Variants in REC114 observed in about 807,000 individuals in gnomAD.
REC114 encodes meiotic recombination protein REC114.
A neutral mutation model predicts 31.3 loss-of-function variants in REC114; 27 were observed. The ratio of observed to expected loss-of-function variants is 0.86; its 90% CI spans 0.64 to 1.19. REC114 has a LOEUF of 1.19. Ranked by LOEUF, REC114 falls within the 50% of genes most tolerant of loss-of-function variation. The pLI is 0.00. For missense variants in REC114, 344 were observed against 326.9 expected, an observed-to-expected ratio of 1.05 and a Z score of -0.40; for synonymous variants, 134 against 127.7, an observed-to-expected ratio of 1.05 and a Z score of -0.33.
chr15:73,481,565 C>G (rs1205320245), intron 2 of REC114, among the ~76,000 whole-genome samples: 1 of 150,670 alleles, frequency 6.6e-6, no homozygotes, highest in African/African-American at 2.4e-5. Context: ...TGAACAGATT[C>G]TCCCTTGGCC....
At chr15:73,557,917 T>C (rs976030171) in intron 5 of REC114, among the ~76,000 whole-genome samples, 2 of 152,246 alleles carry the variant, frequency 1.3e-5, no homozygotes, top group African/African-American at 2.4e-5. Flanking sequence ...TTAGCTATAA[T>C]TTCATTTCAA....
chr15:73,454,901 A>T (rs1239657260), intron 1 of REC114, among the ~76,000 whole-genome samples: 1 of 152,116 alleles, frequency 6.6e-6, no homozygotes, highest in Non-Finnish European at 1.5e-5. Flanking sequence ...TGTTATTACA[A>T]TTTTTTTACT....
At chr15:73,499,229 A>T (rs1486750896) in intron 2 of REC114, among the ~76,000 whole-genome samples, 1 of 151,996 alleles carries the variant, frequency 6.6e-6, no homozygotes, top group African/African-American at 2.4e-5. Context: ...TTGCCAGCAG[A>T]AAGTGCAATT....
chr15:73,557,974 A>C (rs1894495403), intron 5 of REC114, among the ~76,000 whole-genome samples: 1 of 152,226 alleles, frequency 6.6e-6, no homozygotes, highest in Non-Finnish European at 1.5e-5. Context: ...GAAATTGGAA[A>C]CAACATAAAT....
intron 3 of REC114, among the ~76,000 whole-genome samples, chr15:73,543,320 T>C (rs766649138): frequency 9.2e-5 from 14 of 152,136 alleles, no homozygotes; most frequent in Non-Finnish European, 1.9e-4. Flanking sequence ...TGCCTGTTAT[T>C]GTCAATGGTT....
chr15:73,553,034 C>T (rs1477574956), intron 4 of REC114, among the ~76,000 whole-genome samples: 1 of 152,026 alleles, frequency 6.6e-6, no homozygotes, highest in Non-Finnish European at 1.5e-5. Flanking sequence ...AAGCTGGTCT[C>T]GAACTCCTGA....
chr15:73,555,502 C>A (rs1193254518), intron 4 of REC114, among the ~76,000 whole-genome samples: 1 of 152,148 alleles, frequency 6.6e-6, no homozygotes, highest in Non-Finnish European at 1.5e-5. Flanking sequence ...ATAGCATGGA[C>A]CTTAGAGCAT....
At chr15:73,476,463 A>G (rs910100298) in intron 2 of REC114, among the ~76,000 whole-genome samples, 2 of 152,186 alleles carry the variant, frequency 1.3e-5, no homozygotes, top group African/African-American at 4.8e-5. Context: ...CTTTTTTAAA[A>G]TAATTTTTGT....
rs1893003715 is a variant in REC114 at position 73,462,604 on chromosome 15, G to A, written c.160-11228G>A. On this transcript the variant is annotated intron_variant, in intron 1 of 5. Coordinates refer to ENST00000331090, the MANE Select transcript of REC114 (RefSeq NM_001042367.2). Reference sequence around the variant, plus strand: ...TCTAGCTTTAAGAATTACCAACTCGGGCCAGGTGCGGTGGCTCACGCCTGT... The same window carrying A: ...TCTAGCTTTAAGAATTACCAACTCGAGCCAGGTGCGGTGGCTCACGCCTGT... 2.0e-5 allele frequency among the ~76,000 whole-genome samples: 3 copies of A among 152,036 alleles called. No homozygotes were observed. In the South Asian group the frequency reaches 6.2e-4, roughly 32 times the overall value.
At chr15:73,493,639 T>G (rs1245603446) in intron 2 of REC114, among the ~76,000 whole-genome samples, 3 of 152,220 alleles carry the variant, frequency 2.0e-5, no homozygotes, top group Non-Finnish European at 4.4e-5. Flanking sequence ...AAATATTACA[T>G]AAGAGACCTG....
intron 3 of REC114, 22 bp from the exon 4 acceptor site, chr15:73,550,916 T>G (rs1224543044): frequency 6.2e-7 from 1 of 1,611,030 alleles, no homozygotes; most frequent in African/African-American, 1.3e-5. Flanking sequence ...TCTCTCATGA[T>G]AACTTTTGAT....
intron 2 of REC114, among the ~76,000 whole-genome samples, chr15:73,517,343 G>A (rs1330848483): frequency 6.6e-6 from 1 of 152,114 alleles, no homozygotes; most frequent in African/African-American, 2.4e-5. Context: ...TTTTTAAAAG[G>A]TATCTCTCAC....
intron 1 of REC114, among the ~76,000 whole-genome samples, chr15:73,455,114 AT>A (rs1009229954): frequency 1.1e-4 from 16 of 148,540 alleles, no homozygotes; most frequent in East Asian, 3.9e-4. Context: ...TAGGTCTGTC[AT>A]TTTTTTTTTG....
At chr15:73,544,476 G>A (rs1162027727) in intron 3 of REC114, among the ~76,000 whole-genome samples, 1 of 152,042 alleles carries the variant, frequency 6.6e-6, no homozygotes, top group African/African-American at 2.4e-5. Flanking sequence ...TTTTCTCTCT[G>A]AACTGAAATA....
At chr15:73,559,588 T>TGTAACA (rs1213343832) in intron 5 of REC114, among the ~76,000 whole-genome samples, 164 bp from the exon 6 acceptor site, 4 of 152,352 alleles carry the variant, frequency 2.6e-5, no homozygotes, top group African/African-American at 9.6e-5. Flanking sequence ...AAATTGTAAA[T>TGTAACA]GTAACAGTAA....
chr15:73,508,155 C>G (rs1893707202), intron 2 of REC114, among the ~76,000 whole-genome samples: 2 of 152,014 alleles, frequency 1.3e-5, no homozygotes, highest in Non-Finnish European at 1.5e-5. Flanking sequence ...GTTATTTTTT[C>G]CAAGTCTGCC....
intron 1 of REC114, among the ~76,000 whole-genome samples, chr15:73,452,506 C>T (rs1257254827): frequency 1.3e-5 from 2 of 152,190 alleles, no homozygotes; most frequent in African/African-American, 4.8e-5. Flanking sequence ...AATGGGAAAA[C>T]ATTCCATGCT....
At chr15:73,520,765 A>G (rs936153980) in intron 2 of REC114, among the ~76,000 whole-genome samples, 2 of 152,190 alleles carry the variant, frequency 1.3e-5, no homozygotes, top group African/African-American at 2.4e-5. Flanking sequence ...ATCAGTAACT[A>G]TCTTTTAAAA....
chr15:73,512,179 A>G lies in REC114; in HGVS notation c.250-28306A>G, dbSNP rs1173835784. 2.3e-3 allele frequency among the ~76,000 whole-genome samples: 302 copies of G among 131,720 alleles called. 15 individuals carry two copies. The highest frequency in any genetic ancestry group is 3.1e-3 in the Non-Finnish European group (205 of 65,256). The allele number at this position is 131,720 out of a possible 152,430, so 86.4% of individuals were successfully genotyped here. ...ATAGTTAGCTCTTCTTGTTGAATTG[A>G]TCTCTTTACCATTATGTAATGGCCT... On this transcript the variant is annotated intron_variant, in intron 2 of 5. Transcript: ENST00000331090.
Sources: allele counts gnomAD v4.1 joint callset (sites outside exome capture counted in the v4.1 genomes callset), GRCh38; gene constraint gnomAD v4.1.1; transcripts MANE v1.5; gene names NCBI Gene and HGNC (gene_info 2026-07-23, HGNC 2026-07-21).